PWP1: variants seen among roughly 807,000 people sequenced by gnomAD.
PWP1 encodes periodic tryptophan protein 1 homolog.
Under a neutral mutation model 69.9 loss-of-function variants are expected in PWP1, and 47 were observed. That is an observed-to-expected ratio of 0.67 (90% confidence interval 0.53 to 0.86). PWP1 has a LOEUF of 0.86. PWP1 is among the 40% of genes least tolerant of loss of function. The pLI, the probability that PWP1 is intolerant of heterozygous loss-of-function variation, is 0.00. For synonymous variants in PWP1, 222 were observed against 208.2 expected, an observed-to-expected ratio of 1.07 and a Z score of -0.57; for missense variants, 551 against 608.8, an observed-to-expected ratio of 0.91 and a Z score of 1.00.
intron 10 of PWP1, among the ~76,000 whole-genome samples, chr12:107,704,327 GA>G (rs1889770516): frequency 6.6e-6 from 1 of 152,208 alleles, no homozygotes; most frequent in Admixed American, 6.5e-5. Context: ...AGCTCGGCCA[GA>G]GAAGGGGAAA....
Position 107,704,679 on chromosome 12 carries a change from C to G in PWP1, c.1009C>G (p.Arg337Gly), listed in dbSNP as rs537077822. The change falls in exon 11 of 15, where the codon CGA (arginine) becomes GGA (glycine). Residue 337 changes from arginine to glycine, a missense_variant. By Grantham distance (125) the Arg-to-Gly change is moderately radical. Coordinates refer to ENST00000412830, the MANE Select transcript of PWP1 (RefSeq NM_007062.3). ...CTGCCGAAGTCCAGATGAAAGCCAT[C>G]GAATGTGGCGATTCAGTGGGCAGAT... Reference protein sequence around the residue: ...YDCRSPDESHRMWRFSGQIER... With the variant: ...YDCRSPDESHGMWRFSGQIER... 5.0e-6 allele frequency: 8 copies of G among 1,613,804 alleles called. No homozygotes were observed. The highest frequency in any genetic ancestry group is 5.1e-6 in the Non-Finnish European group (6 of 1,179,930).
chr12:107,705,296 C>T (rs747628607), intron 11 of PWP1, among the ~76,000 whole-genome samples: 8 of 151,898 alleles, frequency 5.3e-5, no homozygotes, highest in Non-Finnish European at 1.2e-4. Flanking sequence ...AGCTTTCATC[C>T]AGAGCAAAGA....
rs550086278 is a variant in PWP1 at position 107,711,327 on chromosome 12, T to C, written c.1397-784T>C. Among the ~76,000 whole-genome samples, 8 of 152,310 alleles carry C rather than the reference T, an allele frequency of 5.3e-5. No individual in the cohort carries two copies. The South Asian group carries it at 1.7e-3, about 32-fold the overall frequency. On this transcript the variant is annotated intron_variant, in intron 14 of 14. Transcript: ENST00000412830. ...ATTCGTAAACCCACAACCTTCCAGC[T>C]TGGGCGTTAGGGCCATTATGAACAT...
Position 107,712,309 on chromosome 12 carries a change from A to G in PWP1, c.*89A>G, listed in dbSNP as rs1221071871. On this transcript the variant is annotated 3_prime_UTR_variant, in exon 15 of 15. Transcript: ENST00000412830. The stretch of plus-strand genomic sequence containing the variant: ...TCCATGCGTGGCAGCAACCATGCAG[A>G]GTGACTGAAACACAATTCATTTCTG... 4 of 910,410 alleles carry G rather than the reference A, an allele frequency of 4.4e-6. No homozygotes were observed. The highest frequency in any genetic ancestry group is 4.9e-5 in the East Asian group (2 of 40,718). The allele number at this position is 910,410 out of a possible 1,614,324, so 56.4% of individuals were successfully genotyped here. A position where few individuals can be genotyped will look rare whatever the true frequency, so the allele number is the denominator to read the frequency against.
chr12:107,686,767 G>A (rs376393772), intron 1 of PWP1, among the ~76,000 whole-genome samples: 1 of 152,006 alleles, frequency 6.6e-6, no homozygotes, highest in Admixed American at 6.6e-5. Context: ...GAGATCGAGA[G>A]CATCCTGGCT....
rs547449708 is a variant in PWP1, at chr12:107,686,490, A to T, written c.72+519A>T. ...ATAGGGAATTTCTTGCAGTAATCCA[A>T]GTGAGATGTTGATGGTAGCAGGGAG... On this transcript the variant is annotated intron_variant, in intron 1 of 14. Transcript: ENST00000412830. Among the ~76,000 whole-genome samples, 4 of 152,292 alleles carry T rather than the reference A, an allele frequency of 2.6e-5. No individual in the cohort carries two copies. In the South Asian group the frequency reaches 8.3e-4, roughly 32 times the overall value.
rs1405966160 is a variant in PWP1, at chr12:107,704,716, C to T, written c.1046C>T (p.Thr349Ile). 2 of 1,613,892 alleles carry T rather than the reference C, an allele frequency of 1.2e-6. No individual in the cohort carries two copies. The highest frequency in any genetic ancestry group is 8.5e-7 in the Non-Finnish European group (1 of 1,179,852). Residue 349 changes from threonine (T) to isoleucine (I), a missense_variant, in exon 11 of 15, where the codon ACT becomes ATT. By Grantham distance (89) the Thr-to-Ile change is moderately conservative. Coordinates refer to ENST00000412830, the MANE Select transcript of PWP1 (RefSeq NM_007062.3). ...TTCAGTGGGCAGATAGAGAGAGTGA[C>T]TTGGAATCACTTTTCACCTTGTCAT... ...WRFSGQIERV[T>I]WNHFSPCHFL...
At chr12:107,696,029 C>CTTTTTTTTT (rs397700499) in intron 5 of PWP1, among the ~76,000 whole-genome samples, 4 of 103,742 alleles carry the variant, frequency 3.9e-5, no homozygotes, top group Admixed American at 1.2e-4. Context: ...ATATTGGAAT[C>CTTTTTTTTT]TTTTTTTTTT....
At position 107,712,231 on chromosome 12, in the gene PWP1, C is replaced by CTAAT. The variant is rs1566084740; in HGVS notation, c.*13_*16dup. ...CCCATGGAGTCTTAATGAAGATCAT[C>CTAAT]TAATTTCCTGCTTACCTTAACTGGG... On this transcript the variant is annotated 3_prime_UTR_variant, in exon 15 of 15. Transcript: ENST00000412830. The CTAAT allele has an allele frequency of 2.5e-6, 4 of 1,595,774 alleles. No homozygotes were observed. The highest frequency in any genetic ancestry group is 3.4e-6 in the Non-Finnish European group (4 of 1,164,542).
chr12:107,693,942 C>A (rs1889533402), intron 5 of PWP1, among the ~76,000 whole-genome samples: 1 of 152,150 alleles, frequency 6.6e-6, no homozygotes, highest in Non-Finnish European at 1.5e-5. Context: ...ACACAAAGGG[C>A]CACGTTTCTT....
chr12:107,709,319 T>G, intron 13 of PWP1, 87 bp downstream of exon 13: 1 of 1,479,834 alleles, frequency 6.8e-7, no homozygotes, highest in Non-Finnish European at 9.2e-7. Flanking sequence ...GTTTTTCTGT[T>G]GGAACTATTG....
intron 11 of PWP1, among the ~76,000 whole-genome samples, chr12:107,707,073 C>T (rs1170377120): frequency 5.3e-5 from 8 of 151,220 alleles, no homozygotes; most frequent in Admixed American, 5.3e-4. Flanking sequence ...TCTTTTATTT[C>T]GTTGAGCAGT....
chr12:107,699,485 T>C (rs1889661431), intron 8 of PWP1, 51 bp downstream of exon 8: 1 of 1,407,984 alleles, frequency 7.1e-7, no homozygotes, highest in African/African-American at 1.4e-5. Flanking sequence ...GCCATTGTGA[T>C]CTTACCTCAT....
intron 13 of PWP1, 51 bp from the exon 14 acceptor site, chr12:107,710,354 T>C (rs1889923484): frequency 6.2e-7 from 1 of 1,602,418 alleles, no homozygotes; most frequent in Non-Finnish European, 8.5e-7. Flanking sequence ...GATCTAGATA[T>C]TAGCGCTTTC....
chr12:107,693,659 A>G (rs140607734), intron 5 of PWP1, among the ~76,000 whole-genome samples: 220 of 152,292 alleles, frequency 1.4e-3, no homozygotes, highest in African/African-American at 5.1e-3. Flanking sequence ...CGAGCCCATG[A>G]GTTCTAGGCT....
In PWP1 at chr12:107,697,568, T is replaced by C. The variant is rs917970358; in HGVS notation, c.715T>C (p.Ser239Pro). 1.0e-5 allele frequency: 16 copies of C among 1,605,070 alleles called. No individual in the cohort carries two copies. Among genetic ancestry groups the C allele is most frequent in the Non-Finnish European group, 1.4e-5 (16 of 1,177,092 alleles). Residue 239 changes from serine to proline, a missense_variant, in exon 7 of 15, where the codon TCA becomes CCA. Transcript: ENST00000412830. ...AGTCTTCACACTCGGAAGTAAACTT[T>C]CAAAAAAGAAGAAAAAGAAAGGAAA... ...EPVFTLGSKLSKKKKKKGKKS... is the reference protein window; with the variant it reads ...EPVFTLGSKLPKKKKKKGKKS...
chr12:107,693,048 A>G lies in PWP1; in HGVS notation c.454A>G (p.Ile152Val). 3 of 1,614,186 alleles carry G rather than the reference A, an allele frequency of 1.9e-6. No individual in the cohort carries two copies. The highest frequency in any genetic ancestry group is 2.5e-6 in the Non-Finnish European group (3 of 1,180,024). ...CTTGATTAAGCCCAGTGATAATCTT[A>G]TAGTTTGTGGCCGAGCTGAACAGGA... Reference protein sequence around the residue: ...DFLIKPSDNLIVCGRAEQDQC... With the variant: ...DFLIKPSDNLVVCGRAEQDQC... Residue 152 changes from isoleucine (I) to valine (V), a missense_variant, in exon 5 of 15, where the codon ATA (isoleucine) becomes GTA (valine). Transcript: ENST00000412830.
chr12:107,686,596 G>GCGT (rs1889370036), intron 1 of PWP1, among the ~76,000 whole-genome samples: 2 of 152,220 alleles, frequency 1.3e-5, no homozygotes, highest in Admixed American at 1.3e-4. Flanking sequence ...GATTACTTAA[G>GCGT]TAATTTCCTC....
Position 107,688,565 on chromosome 12 carries a change from T to A in PWP1, c.132-50T>A, listed in dbSNP as rs540120323. ...AATGATGATGACCATGTGGTCTTGT[T>A]ATTAGAAGGTAGCATTTGGGTGATT... On this transcript the variant is annotated intron_variant, in intron 2 of 14. Transcript: ENST00000412830. 567 of 1,610,144 alleles carry A rather than the reference T, an allele frequency of 3.5e-4. 3 individuals carry two copies. In the South Asian group the frequency reaches 6.1e-3, roughly 17 times the overall value.
Sources: allele counts gnomAD v4.1 joint callset (sites outside exome capture counted in the v4.1 genomes callset), GRCh38; gene constraint gnomAD v4.1.1; transcripts MANE v1.5; gene names NCBI Gene and HGNC (gene_info 2026-07-23, HGNC 2026-07-21).